Variants in C1orf141 observed in about 807,000 individuals in gnomAD.
The protein encoded by C1orf141 is uncharacterized protein C1orf141.
C1orf141 carries 19 observed loss-of-function variants against 23.2 expected under a neutral mutation model. The observed-to-expected ratio is 0.82, with a 90% CI of 0.57 to 1.20. C1orf141 has a LOEUF of 1.20. C1orf141 is among the 50% of genes most tolerant of loss of function. The pLI is 0.00. For synonymous variants in C1orf141, 153 were observed against 154.6 expected (o/e 0.99, Z 0.08); for missense variants, 469 against 455.1 (o/e 1.03, Z -0.28).
chr1:67,125,926 GTGA>G lies in C1orf141; in HGVS notation c.76-20_76-18del. 1 of 620,232 alleles carries G rather than the reference GTGA, an allele frequency of 1.6e-6. No individual in the cohort carries two copies. Among genetic ancestry groups the G allele is most frequent in the Non-Finnish European group, 2.1e-6 (1 of 478,352 alleles). 38.4% of individuals were successfully genotyped at this position (620,232 alleles called of 1,614,324 possible). A position where few individuals can be genotyped will look rare whatever the true frequency, so the allele number is the denominator to read the frequency against. On this transcript the variant is annotated intron_variant, in intron 3 of 7. Coordinates refer to ENST00000684719, the MANE Select transcript of C1orf141 (RefSeq NM_001276351.2). ...CCTGTTTATCTGCAGCAATGCCAAA[GTGA>G]AAAAAAAAAAAAAAAAAAGAGTACT...
chr1:67,093,009 G>A lies in C1orf141; in HGVS notation c.1199C>T (p.Ser400Leu), dbSNP rs775641335. 1.3e-6 allele frequency: 2 copies of A among 1,573,712 alleles called. No homozygotes were observed. The highest frequency in any genetic ancestry group is 1.7e-5 in the Admixed American group (1 of 57,514). ...LNLSNEILNA[S>L] ...TATTGCTGCATACATAATATTTTAT[G>A]AGGCATTTAAAATTTCATTTGATAA... The change falls in exon 8 of 8, where the codon TCA becomes TTA. Residue 400 changes from serine (S) to leucine (L), a missense_variant. Physicochemically the swap from Ser to Leu is moderately radical, Grantham distance 145 (BLOSUM62 -2). Transcript: ENST00000684719.
chr1:67,137,840 T>A (rs1467586806), upstream of C1orf141, among the ~76,000 whole-genome samples: 1 of 152,220 alleles, frequency 6.6e-6, no homozygotes, highest in East Asian at 1.9e-4. Context: ...GTATCAAAAT[T>A]TGTACTTAAT....
intron 5 of C1orf141, among the ~76,000 whole-genome samples, chr1:67,105,156 G>A (rs746084696): frequency 5.9e-5 from 9 of 151,646 alleles, no homozygotes; most frequent in African/African-American, 9.7e-5. Context: ...GTGAAACCCC[G>A]TCTCTACTAA....
At chr1:67,115,570 G>A (rs1297347327) in intron 4 of C1orf141, 106 bp from the exon 5 acceptor site, 1 of 534,770 alleles carries the variant, frequency 1.9e-6, no homozygotes, top group African/African-American at 2.0e-5. Context: ...TACAGACTTG[G>A]ATGTTATGTT....
At chr1:67,130,528 C>G (rs1186129228) in intron 2 of C1orf141, among the ~76,000 whole-genome samples, 1 of 152,194 alleles carries the variant, frequency 6.6e-6, no homozygotes, top group Non-Finnish European at 1.5e-5. Flanking sequence ...CCATTATACA[C>G]ACACACATAC....
chr1:67,098,493 C>A (rs1468612364), intron 5 of C1orf141, among the ~76,000 whole-genome samples: 3 of 151,828 alleles, frequency 2.0e-5, no homozygotes, highest in African/African-American at 7.3e-5. Flanking sequence ...ACACTCCAGC[C>A]TAGGCGACAG....
intron 5 of C1orf141, among the ~76,000 whole-genome samples, chr1:67,112,536 TA>T (rs1260252346): frequency 6.6e-6 from 1 of 150,584 alleles, no homozygotes. Context: ...ACCCTGTCTC[TA>T]AAAAAAAAGT....
chr1:67,115,053 A>G (rs1456635422), intron 5 of C1orf141, among the ~76,000 whole-genome samples: 1 of 152,258 alleles, frequency 6.6e-6, no homozygotes, highest in Non-Finnish European at 1.5e-5. Flanking sequence ...CTAAAAAACA[A>G]TAACAAGGAA....
At chr1:67,125,031 G>A (rs1646377898) in intron 4 of C1orf141, among the ~76,000 whole-genome samples, 1 of 152,284 alleles carries the variant, frequency 6.6e-6, no homozygotes, top group South Asian at 2.1e-4. Flanking sequence ...ATAGCATTAT[G>A]CAAGTACTAA....
Position 67,121,455 on chromosome 1 carries a change from A to G in C1orf141, c.233+4297T>C, listed in dbSNP as rs1570720646. ...TGTGGTGTAAATACTCCCGTTGTCAATTTCTACCAATGTGATATAATTAAA... is the reference window on the plus strand; with the variant it reads ...TGTGGTGTAAATACTCCCGTTGTCAGTTTCTACCAATGTGATATAATTAAA... On this transcript the variant is annotated intron_variant, in intron 4 of 7. Coordinates refer to ENST00000684719, the MANE Select transcript of C1orf141 (RefSeq NM_001276351.2). 6 of 152,332 alleles carry G rather than the reference A, an allele frequency of 3.9e-5. 2 individuals are homozygous for G. The highest frequency in any genetic ancestry group is 3.9e-4 in the Admixed American group (6 of 15,298). 9.4% of individuals were successfully genotyped at this position (152,332 alleles called of 1,614,324 possible). A position where few individuals can be genotyped will look rare whatever the true frequency, so the allele number is the denominator to read the frequency against.
Position 67,093,296 on chromosome 1 carries a change from C to A in C1orf141, c.912G>T (p.Gln304His). Residue 304 changes from glutamine to histidine, a missense_variant, in exon 8 of 8, where the codon CAG becomes CAT. Physicochemically the swap from Gln to His is conservative, Grantham distance 24. Transcript: ENST00000684719. The stretch of plus-strand genomic sequence containing the variant: ...TATTCCAAGATCTGTTTTCTAGTGT[C>A]TGCTTATTAGTTTTCTTCTTTAGTT... ...DDKLKKKTNK[Q>H]TLENRSWNTL... 6.2e-7 allele frequency: 1 copy of A among 1,613,704 alleles called. No homozygotes were observed. The highest frequency in any genetic ancestry group is 8.5e-7 in the Non-Finnish European group (1 of 1,179,718).
rs771959529 is a variant in C1orf141, at chr1:67,096,340, T to C, written c.347-19A>G. 3.1e-6 allele frequency: 4 copies of C among 1,282,388 alleles called. No homozygotes were observed. Among genetic ancestry groups the C allele is most frequent in the Non-Finnish European group, 4.4e-6 (4 of 904,170 alleles). The allele number at this position is 1,282,388 out of a possible 1,614,324, so 79.4% of individuals were successfully genotyped here. A position where few individuals can be genotyped will look rare whatever the true frequency, so the allele number is the denominator to read the frequency against. On this transcript the variant is annotated intron_variant, in intron 5 of 7. Transcript: ENST00000684719. ...ATTTGAGCTGAAATTTTAAAAGATT[T>C]TCATAAAAGACACATAGATATTCTG... is the stretch of plus-strand genomic sequence containing the variant.
chr1:67,110,552 A>T (rs1332783387), intron 5 of C1orf141, among the ~76,000 whole-genome samples: 4 of 152,150 alleles, frequency 2.6e-5, no homozygotes, highest in Admixed American at 2.0e-4. Context: ...AAAAGAGGAA[A>T]TTAGAAGAGG....
chr1:67,126,740 C>A (rs1195897592), intron 3 of C1orf141, among the ~76,000 whole-genome samples: 1 of 152,160 alleles, frequency 6.6e-6, no homozygotes, highest in Non-Finnish European at 1.5e-5. Flanking sequence ...GAGGAGAAAC[C>A]CATTGGATTG....
In C1orf141 at chr1:67,127,275, G is replaced by T. The variant is rs146536890; in HGVS notation, c.-17-18C>A. 3 of 1,379,096 alleles carry T rather than the reference G, an allele frequency of 2.2e-6. No homozygotes were observed. The highest frequency in any genetic ancestry group is 3.1e-6 in the Non-Finnish European group (3 of 979,828). The allele number at this position is 1,379,096 out of a possible 1,614,324, so 85.4% of individuals were successfully genotyped here. A position where few individuals can be genotyped will look rare whatever the true frequency, so the allele number is the denominator to read the frequency against. The stretch of plus-strand genomic sequence containing the variant: ...CTAAATTCCTATTTTAAAATAAGGA[G>T]GAAGAAGAACAAATCAATTCAAATT... On this transcript the variant is annotated intron_variant, in intron 2 of 7. Coordinates refer to ENST00000684719, the MANE Select transcript of C1orf141 (RefSeq NM_001276351.2).
intron 1 of C1orf141, among the ~76,000 whole-genome samples, chr1:67,134,499 G>T (rs1048621409): frequency 6.6e-5 from 10 of 152,314 alleles, no homozygotes; most frequent in Admixed American, 4.6e-4. Flanking sequence ...CGTCAATTTG[G>T]AAATGTATCA....
intron 2 of C1orf141, among the ~76,000 whole-genome samples, chr1:67,127,594 T>C (rs1419971442): frequency 6.6e-6 from 1 of 152,170 alleles, no homozygotes. Flanking sequence ...TTTTTAAATT[T>C]TTTTAATTAA....
chr1:67,095,131 TA>T, intron 7 of C1orf141, 103 bp downstream of exon 7: 2 of 652,934 alleles, frequency 3.1e-6, no homozygotes, highest in Non-Finnish European at 5.0e-6. Flanking sequence ...AACCAAGAGG[TA>T]AAAAGGATTT....
At chr1:67,114,872 C>T (rs1399169328) in intron 5 of C1orf141, among the ~76,000 whole-genome samples, 1 of 152,172 alleles carries the variant, frequency 6.6e-6, no homozygotes, top group South Asian at 2.1e-4. Flanking sequence ...GACGGGGTTT[C>T]GCCATGTTGG....
Sources: allele counts gnomAD v4.1 joint callset (sites outside exome capture counted in the v4.1 genomes callset), GRCh38; gene constraint gnomAD v4.1.1; transcripts MANE v1.5; gene names NCBI Gene and HGNC (gene_info 2026-07-23, HGNC 2026-07-21).